Variants in MYL5 observed in about 807,000 individuals in gnomAD.
The protein encoded by MYL5 is myosin regulatory light chain 5.
MYL5 carries 28 observed loss-of-function variants against 20.8 expected under a neutral mutation model. The ratio of observed to expected loss-of-function variants is 1.35; its 90% CI spans 1.00 to 1.84. The LOEUF (loss-of-function observed/expected upper bound fraction) is 1.84. MYL5 is among the 40% of genes most tolerant of loss of function. The pLI is 0.00. For missense variants in MYL5, 274 were observed against 227.3 expected (o/e 1.21, Z -1.32); for synonymous variants, 118 against 87.4 (o/e 1.35, Z -1.95).
intron 6 of MYL5, among the ~76,000 whole-genome samples, chr4:681,643 C>A (rs1326440936): frequency 1.4e-5 from 1 of 69,088 alleles, no homozygotes; most frequent in Non-Finnish European, 2.9e-5. Flanking sequence ...CAGCGCCGCC[C>A]CGCCCCCTCC....
intron 5 of MYL5, chr4:680,843 G>A: frequency 1.6e-6 from 1 of 633,800 alleles, no homozygotes; most frequent in Non-Finnish European, 2.7e-6. Flanking sequence ...GCTCCTGCTA[G>A]GCGCCGGGGA....
chr4:677,866 A>C, upstream of MYL5: 2 of 1,259,310 alleles, frequency 1.6e-6, no homozygotes, highest in Non-Finnish European at 2.3e-6. Context: ...CAGGCTGCCA[A>C]AGCTCACTCT....
exon 7 of MYL5, chr4:681,969 C>T (rs1295864340): frequency 6.5e-6 from 9 of 1,393,484 alleles, no homozygotes; most frequent in African/African-American, 4.5e-5. Flanking sequence ...TACGTGATCA[C>T]CCACGGGGAG....
At chr4:676,905 C>T (rs1490574480), upstream of MYL5, 20 of 985,256 alleles carry the variant, frequency 2.0e-5, no homozygotes, top group Admixed American at 1.2e-4. Context: ...TCATAGAGGC[C>T]GCTGGACCTG....
At chr4:680,430 C>T in intron 4 of MYL5, 79 bp from the exon 7 acceptor site, 2 of 1,413,676 alleles carry the variant, frequency 1.4e-6, no homozygotes, top group Non-Finnish European at 2.0e-6. Flanking sequence ...GGGCAGGGGT[C>T]TCCCCTCCTG....
chr4:681,852 C>G, intron 6 of MYL5, 41 bp from the exon 9 acceptor site: 1 of 1,303,670 alleles, frequency 7.7e-7, no homozygotes, highest in Non-Finnish European at 9.8e-7. Flanking sequence ...TTGTAATTCG[C>G]TCCCGGAGCC....
At chr4:681,217 C>A (rs1404041735) in intron 6 of MYL5, 77 bp downstream of exon 8, 4 of 1,527,998 alleles carry the variant, frequency 2.6e-6, no homozygotes, top group East Asian at 4.7e-5. Flanking sequence ...GAGGGGGACG[C>A]GGAGCCCGAG....
exon 5 of MYL5, chr4:680,545 A>G (rs1337001361): frequency 5.6e-6 from 9 of 1,613,470 alleles, no homozygotes; most frequent in Admixed American, 1.7e-5. Context: ...AACGCCTTCA[A>G]GATGCTGGAC....
rs1318136426 is a variant in MYL5 at position 677,950 on chromosome 4, T to C, written c.-77T>C. 13 of 1,612,356 alleles carry C rather than the reference T, an allele frequency of 8.1e-6. No individual in the cohort carries two copies. The South Asian group carries it at 1.3e-4, about 16-fold the overall frequency. ...GTGGCAGCCGGAGTCTGAACTGTCCTGGGGGACCAAGCAGGAGCTTAAGAT... is the reference window on the plus strand; with the variant it reads ...GTGGCAGCCGGAGTCTGAACTGTCCCGGGGGACCAAGCAGGAGCTTAAGAT... On this transcript the variant is annotated 5_prime_UTR_variant, in exon 1 of 7. Transcript: ENST00000400159.
chr4:676,918 G>A (rs1360224968), upstream of MYL5: 2 of 985,390 alleles, frequency 2.0e-6, no homozygotes, highest in African/African-American at 1.7e-5. Context: ...TGGACCTGGG[G>A]ATGGCACCAG....
chr4:681,666 C>T (rs1266195443), intron 6 of MYL5, among the ~76,000 whole-genome samples: 16 of 43,690 alleles, frequency 3.7e-4, no homozygotes, highest in African/African-American at 1.3e-3. Context: ...CGCCGCCCCG[C>T]CCCCTCCAGC....
exon 5 of MYL5, chr4:680,513 C>T (rs567000230): frequency 2.5e-6 from 4 of 1,613,260 alleles, no homozygotes; most frequent in East Asian, 2.2e-5. Flanking sequence ...TGGCAGGTAC[C>T]GACGCCGAGG....
chr4:678,145 G>A (rs977811264), intron 1 of MYL5, 116 bp downstream of exon 3: 2 of 1,551,420 alleles, frequency 1.3e-6, no homozygotes, highest in African/African-American at 2.7e-5. Context: ...GAATGCAGGT[G>A]TGGGCGTGTG....
At chr4:679,419 C>T (rs114568854) in intron 3 of MYL5, among the ~76,000 whole-genome samples, 1,535 of 152,314 alleles carry the variant, frequency 0.01, 28 homozygotes, top group African/African-American at 0.035. Flanking sequence ...TGACAGAGGG[C>T]GTGGAGACGC....
rs761296199 is a variant in MYL5, at chr4:681,092, C to A, written c.372C>A (p.Tyr124Ter). ...CGCTGACCCCTTTCCTCGTCCTCAG[C>A]ATCAAGCGTCTGCTGATGTCCCAGG... Residue 124 changes from tyrosine to a stop codon, truncating the protein, a stop_gained and splice_region_variant, in exon 6 of 7, where the codon TAC becomes TAA. Coordinates refer to ENST00000400159, the Ensembl canonical transcript of MYL5. LOFTEE classifies it low-confidence loss of function (END_TRUNC). The A allele has an allele frequency of 5.6e-6, 9 of 1,601,618 alleles. No individual in the cohort carries two copies. Among genetic ancestry groups the A allele is most frequent in the Non-Finnish European group, 6.8e-6 (8 of 1,174,874 alleles).
At chr4:679,876 A>G in intron 3 of MYL5, 38 bp from the exon 6 acceptor site, 1 of 1,569,842 alleles carries the variant, frequency 6.4e-7, no homozygotes, top group East Asian at 2.2e-5. Context: ...AGGGCAGGCA[A>G]CAAGCCCTGC....
intron 2 of MYL5, 78 bp downstream of exon 4, chr4:678,843 G>A: frequency 6.2e-7 from 1 of 1,607,568 alleles, no homozygotes; most frequent in Admixed American, 1.7e-5. Flanking sequence ...GCTGGCTCCA[G>A]GGCCAGCAGG....
At chr4:681,923 G>C (rs763972713) in exon 7 of MYL5, 1 of 1,319,502 alleles carries the variant, frequency 7.6e-7, no homozygotes, top group Admixed American at 3.1e-5. Context: ...CGCCTCCATC[G>C]ATGTGGCGGG....
chr4:679,828 C>T, intron 3 of MYL5, 86 bp from the exon 6 acceptor site: 1 of 1,160,590 alleles, frequency 8.6e-7, no homozygotes, highest in Middle Eastern at 2.0e-4. Flanking sequence ...TCCCATCTGC[C>T]TGCCTGGCCC....
Sources: allele counts gnomAD v4.1 joint callset (sites outside exome capture counted in the v4.1 genomes callset), GRCh38; gene constraint gnomAD v4.1.1; transcripts MANE v1.5; gene names NCBI Gene and HGNC (gene_info 2026-07-23, HGNC 2026-07-21).